The following SMOC2 variants were observed in gnomAD, a reference collection of about 807,000 sequenced individuals.
SMOC2 encodes SPARC related modular calcium binding 2.
SMOC2 carries 39 observed loss-of-function variants against 61.4 expected under a neutral mutation model. The ratio of observed to expected loss-of-function variants is 0.64; its 90% CI spans 0.49 to 0.83. SMOC2 has a LOEUF of 0.83. Ranked by LOEUF, SMOC2 falls within the 40% of genes least tolerant of loss-of-function variation. The pLI, the probability that SMOC2 is intolerant of heterozygous loss-of-function variation, is 0.00. For missense variants in SMOC2, 556 were observed against 592.9 expected (o/e 0.94, Z 0.65); for synonymous variants, 247 against 239.9 (o/e 1.03, Z -0.27).
At chr6:168,522,121 G>A (rs1024694511) in intron 2 of SMOC2, among the ~76,000 whole-genome samples, 2 of 152,222 alleles carry the variant, frequency 1.3e-5, no homozygotes, top group African/African-American at 4.8e-5. Context: ...GGTAGACATT[G>A]ATTATAGTAA....
At chr6:168,501,812 T>C (rs1159467663) in intron 1 of SMOC2, among the ~76,000 whole-genome samples, 1 of 152,198 alleles carries the variant, frequency 6.6e-6, no homozygotes, top group Non-Finnish European at 1.5e-5. Context: ...GAGAGGTCCG[T>C]CTTGATTCCC....
intron 9 of SMOC2, among the ~76,000 whole-genome samples, chr6:168,640,789 G>A (rs1786875058): frequency 6.6e-6 from 1 of 152,158 alleles, no homozygotes; most frequent in South Asian, 2.1e-4. Flanking sequence ...TTAGGAGTCT[G>A]GAAAGAAAAG....
At chr6:168,615,283 T>C (rs4994214) in intron 9 of SMOC2, among the ~76,000 whole-genome samples, 1,457 of 19,078 alleles carry the variant, frequency 0.076, 236 homozygotes, top group Admixed American at 0.3. Context: ...ACAGCCAGCA[T>C]GGGGCCTCTT....
At chr6:168,502,698 G>A (rs1782759680) in intron 1 of SMOC2, among the ~76,000 whole-genome samples, 2 of 152,050 alleles carry the variant, frequency 1.3e-5, no homozygotes, top group Non-Finnish European at 2.9e-5. Flanking sequence ...CTGACGACCA[G>A]TGTCTCTGAT....
chr6:168,474,114 G>A (rs1025430042), intron 1 of SMOC2, among the ~76,000 whole-genome samples: 7 of 152,124 alleles, frequency 4.6e-5, no homozygotes, highest in African/African-American at 1.7e-4. Context: ...GTGCATTGAT[G>A]GATTGCTTCA....
chr6:168,564,696 G>A (rs1056722927), intron 7 of SMOC2, among the ~76,000 whole-genome samples: 2 of 152,202 alleles, frequency 1.3e-5, no homozygotes, highest in African/African-American at 4.8e-5. Flanking sequence ...TTGGTGCCAT[G>A]TCTAAGGAAC....
chr6:168,590,033 T>C (rs368091497), intron 7 of SMOC2, among the ~76,000 whole-genome samples: 4 of 11,776 alleles, frequency 3.4e-4, no homozygotes, highest in Non-Finnish European at 2.9e-4. Flanking sequence ...GAGCAGCCGG[T>C]CTGGTGGTGG....
chr6:168,551,574 C>A (rs928870102), intron 7 of SMOC2, among the ~76,000 whole-genome samples: 4 of 152,026 alleles, frequency 2.6e-5, no homozygotes, highest in Non-Finnish European at 4.4e-5. Flanking sequence ...CTGCCTCAGC[C>A]TCCTGAGTAG....
At chr6:168,543,724 C>T (rs1426048118) in intron 5 of SMOC2, 52 bp downstream of exon 5, 1 of 1,515,664 alleles carries the variant, frequency 6.6e-7, no homozygotes, top group Non-Finnish European at 9.1e-7. Flanking sequence ...CTAACTTATC[C>T]CGTGAAATAA....
chr6:168,554,187 T>C (rs1220680931), intron 7 of SMOC2, among the ~76,000 whole-genome samples: 2 of 152,218 alleles, frequency 1.3e-5, no homozygotes, highest in African/African-American at 4.8e-5. Context: ...TCACGTACAG[T>C]GAGGCTGCCA....
intron 7 of SMOC2, among the ~76,000 whole-genome samples, chr6:168,590,594 C>G (rs1449296260): frequency 6.6e-6 from 1 of 151,364 alleles, no homozygotes; most frequent in African/African-American, 2.4e-5. Context: ...TGTGAGCTTG[C>G]CAAAAAACTT....
intron 1 of SMOC2, among the ~76,000 whole-genome samples, chr6:168,501,063 G>A (rs1022624511): frequency 9.2e-5 from 14 of 152,276 alleles, no homozygotes; most frequent in Middle Eastern, 3.4e-3. Flanking sequence ...AAACACTTCT[G>A]ACCCCTAAGA....
At chr6:168,498,910 T>A (rs911130429) in intron 1 of SMOC2, among the ~76,000 whole-genome samples, 2 of 142,032 alleles carry the variant, frequency 1.4e-5, no homozygotes, top group Non-Finnish European at 3.0e-5. Flanking sequence ...GCCCATAGCC[T>A]GTTTACTACA....
chr6:168,659,537 G>A (rs184082559), intron 11 of SMOC2, among the ~76,000 whole-genome samples: 3 of 5,004 alleles, frequency 6.0e-4, no homozygotes, highest in Non-Finnish European at 1.1e-3. Context: ...TGAGGATGGA[G>A]GTTGTTGGCT....
rs189404735 is a variant in SMOC2, at chr6:168,447,053, T to C, written c.84+5599T>C. On this transcript the variant is annotated intron_variant, in intron 1 of 12. Coordinates refer to ENST00000356284, the MANE Select transcript of SMOC2 (RefSeq NM_001166412.2). ...TATCTCTGCCCACTTTACGGTCTTC[T>C]TCCCCGTGGTCATCTATTTGTTTTC... is the stretch of plus-strand genomic sequence containing the variant. Among the ~76,000 whole-genome samples, 5 of 152,274 alleles carry C rather than the reference T, an allele frequency of 3.3e-5. No individual in the cohort carries two copies. In the East Asian group the frequency reaches 9.7e-4, roughly 29 times the overall value.
intron 3 of SMOC2, among the ~76,000 whole-genome samples, 197 bp from the exon 4 acceptor site, chr6:168,527,431 C>T (rs2115076063): frequency 6.6e-6 from 1 of 152,306 alleles, no homozygotes; most frequent in Admixed American, 6.5e-5. Flanking sequence ...TGATTTGGGC[C>T]CCTTTTATCT....
intron 1 of SMOC2, among the ~76,000 whole-genome samples, chr6:168,481,453 CTTATT>C (rs531976845): frequency 5.3e-4 from 80 of 152,062 alleles, no homozygotes; most frequent in African/African-American, 1.9e-3. Flanking sequence ...TAAAAATGTT[CTTATT>C]TTAGGATGTA....
Position 168,549,143 on chromosome 6 carries a change from T to C in SMOC2, c.577T>C (p.Tyr193His), listed in dbSNP as rs1453353201. 3 of 1,614,134 alleles carry C rather than the reference T, an allele frequency of 1.9e-6. No homozygotes were observed. The highest frequency in any genetic ancestry group is 1.3e-5 in the African/African-American group (1 of 75,072). ...QGDEEDIASR[Y>H]PTLWTEQVKS... is the part of the protein sequence containing the mutation. ...TTGGTTCATAGATATTGCATCACGT[T>C]ACCCTACCCTTTGGACTGAACAGGT... Residue 193 changes from tyrosine (Y) to histidine (H), a missense_variant, in exon 7 of 13, where the codon TAC becomes CAC. Coordinates refer to ENST00000356284, the MANE Select transcript of SMOC2 (RefSeq NM_001166412.2).
chr6:168,613,801 G>T (rs1785962435), intron 9 of SMOC2, among the ~76,000 whole-genome samples: 1 of 123,616 alleles, frequency 8.1e-6, no homozygotes, highest in Non-Finnish European at 1.7e-5. Flanking sequence ...CCAGCACAGG[G>T]CCTCTTCTCC....
Sources: gnomAD v4.1 joint callset for allele counts (sites outside exome capture counted in the v4.1 genomes callset) on GRCh38, gnomAD v4.1.1 for gene constraint, MANE v1.5 for transcripts, NCBI Gene and HGNC (gene_info 2026-07-23, HGNC 2026-07-21) for gene names.